The following FHIT variants were observed in gnomAD, a reference collection of about 807,000 sequenced individuals.
FHIT encodes bis(5'-adenosyl)-triphosphatase.
FHIT carries 19 observed loss-of-function variants against 17.9 expected under a neutral mutation model. The observed-to-expected ratio is 1.06, with a 90% CI of 0.74 to 1.56. The LOEUF (loss-of-function observed/expected upper bound fraction) is 1.56. FHIT is among the 40% of genes most tolerant of loss of function. FHIT has a pLI of 0.00. For synonymous variants in FHIT, 81 were observed against 69.7 expected, an observed-to-expected ratio of 1.16 and a Z score of -0.81; for missense variants, 248 against 189.2, an observed-to-expected ratio of 1.31 and a Z score of -1.82.
chr3:60,511,288 C>G (rs1157836694), intron 5 of FHIT, among the ~76,000 whole-genome samples: 1 of 152,008 alleles, frequency 6.6e-6, no homozygotes, highest in Non-Finnish European at 1.5e-5. Context: ...CTATAATTAC[C>G]ACCATTATGC....
chr3:60,960,063 GTTT>G (rs144453734), intron 3 of FHIT, among the ~76,000 whole-genome samples: 1 of 148,034 alleles, frequency 6.8e-6, no homozygotes, highest in Non-Finnish European at 1.5e-5. Context: ...TTTTGGGGCA[GTTT>G]TTTTTTTACC....
intron 5 of FHIT, among the ~76,000 whole-genome samples, chr3:60,134,966 C>G (rs1465508007): frequency 6.7e-6 from 1 of 148,870 alleles, no homozygotes; most frequent in African/African-American, 2.5e-5. Flanking sequence ...GAAAGGTGGA[C>G]AGGAAAAAAG....
At chr3:60,977,305 T>C (rs1157668062) in intron 3 of FHIT, among the ~76,000 whole-genome samples, 1 of 152,160 alleles carries the variant, frequency 6.6e-6, no homozygotes, top group Non-Finnish European at 1.5e-5. Context: ...AAGTTCAGCA[T>C]TCTGACCAAA....
At chr3:59,819,988 C>G (rs916994599) in intron 8 of FHIT, among the ~76,000 whole-genome samples, 4 of 152,158 alleles carry the variant, frequency 2.6e-5, no homozygotes, top group Non-Finnish European at 4.4e-5. Flanking sequence ...AGACTCCATG[C>G]CAGAAGCAGA....
chr3:60,358,290 G>T (rs1045614583), intron 5 of FHIT, among the ~76,000 whole-genome samples: 24 of 152,196 alleles, frequency 1.6e-4, no homozygotes, highest in African/African-American at 5.5e-4. Flanking sequence ...ACTATTTGGA[G>T]ATTTTGATAC....
At chr3:60,036,962 A>T (rs1239367311) in intron 5 of FHIT, among the ~76,000 whole-genome samples, 1 of 152,216 alleles carries the variant, frequency 6.6e-6, no homozygotes, top group East Asian at 1.9e-4. Flanking sequence ...CAACACTGGA[A>T]GAAATTGCCT....
At chr3:60,768,035 C>T (rs1437106182) in intron 4 of FHIT, among the ~76,000 whole-genome samples, 1 of 152,134 alleles carries the variant, frequency 6.6e-6, no homozygotes, top group African/African-American at 2.4e-5. Context: ...AAAATAAAGC[C>T]TACTTTACAG....
At chr3:61,099,147 C>CA (rs1330843753) in intron 2 of FHIT, among the ~76,000 whole-genome samples, 4 of 152,100 alleles carry the variant, frequency 2.6e-5, no homozygotes, top group Non-Finnish European at 5.9e-5. Flanking sequence ...TAAATTTTAT[C>CA]AAAAGCCTTT....
At chr3:59,794,138 C>A (rs903482900) in intron 8 of FHIT, among the ~76,000 whole-genome samples, 11 of 152,266 alleles carry the variant, frequency 7.2e-5, no homozygotes, top group Admixed American at 5.2e-4. Context: ...AAACATCAGA[C>A]ATGGTTTTTA....
At chr3:60,118,010 G>A (rs1418993320) in intron 5 of FHIT, among the ~76,000 whole-genome samples, 2 of 152,168 alleles carry the variant, frequency 1.3e-5, no homozygotes, top group Admixed American at 6.5e-5. Context: ...GCAAAATGCT[G>A]ATGATCCAAG....
intron 1 of FHIT, among the ~76,000 whole-genome samples, chr3:61,233,654 G>A (rs1183148490): frequency 6.6e-6 from 1 of 152,014 alleles, no homozygotes; most frequent in Non-Finnish European, 1.5e-5. Flanking sequence ...CAAGATTATG[G>A]GTGAAATATA....
intron 7 of FHIT, among the ~76,000 whole-genome samples, chr3:59,947,003 G>T (rs972955507): frequency 1.1e-4 from 16 of 152,124 alleles, no homozygotes; most frequent in African/African-American, 3.4e-4. Flanking sequence ...CCAGATTTTG[G>T]TATCAGAAAA....
intron 3 of FHIT, among the ~76,000 whole-genome samples, chr3:60,964,567 T>G (rs900916384): frequency 3.3e-5 from 5 of 152,268 alleles, no homozygotes; most frequent in Admixed American, 1.3e-4. Flanking sequence ...GCAGTGGCTG[T>G]TACTGGTTGT....
chr3:60,289,992 T>C (rs1424930717), intron 5 of FHIT, among the ~76,000 whole-genome samples: 5 of 152,196 alleles, frequency 3.3e-5, no homozygotes, highest in Admixed American at 2.6e-4. Flanking sequence ...TGTGTAATCA[T>C]GTAGCAAAGT....
chr3:60,825,866 A>G (rs1257028756), intron 3 of FHIT, among the ~76,000 whole-genome samples: 1 of 152,200 alleles, frequency 6.6e-6, no homozygotes, highest in Non-Finnish European at 1.5e-5. Flanking sequence ...AGTCAAATAC[A>G]TCCCAAATTT....
At chr3:59,829,459 G>A (rs1701089366) in intron 8 of FHIT, among the ~76,000 whole-genome samples, 1 of 152,180 alleles carries the variant, frequency 6.6e-6, no homozygotes, top group Non-Finnish European at 1.5e-5. Context: ...GAGAAAACAT[G>A]TAAATCTCAG....
At chr3:60,397,101 T>TA (rs1464086411) in intron 5 of FHIT, among the ~76,000 whole-genome samples, 2 of 152,212 alleles carry the variant, frequency 1.3e-5, no homozygotes, top group African/African-American at 4.8e-5. Flanking sequence ...ATTATACAGA[T>TA]AAGCAAATTC....
intron 5 of FHIT, among the ~76,000 whole-genome samples, chr3:60,145,096 C>T (rs1700183896): frequency 6.6e-6 from 1 of 152,158 alleles, no homozygotes; most frequent in South Asian, 2.1e-4. Context: ...CTTCAACTAA[C>T]TCTCAACCCA....
intron 5 of FHIT, among the ~76,000 whole-genome samples, chr3:60,261,337 T>C (rs976037000): frequency 6.6e-6 from 1 of 151,992 alleles, no homozygotes; most frequent in African/African-American, 2.4e-5. Flanking sequence ...ATATATATCA[T>C]ATTACATCCT....
Sources: gnomAD v4.1 joint callset for allele counts (sites outside exome capture counted in the v4.1 genomes callset) on GRCh38, gnomAD v4.1.1 for gene constraint, MANE v1.5 for transcripts, NCBI Gene and HGNC (gene_info 2026-07-23, HGNC 2026-07-21) for gene names.